The following KCNN2 variants were observed in gnomAD, a reference collection of about 807,000 sequenced individuals.
The protein encoded by KCNN2 is potassium calcium-activated channel subfamily N member 2, also known as small conductance calcium-activated potassium channel protein 2.
KCNN2 carries 24 observed loss-of-function variants against 55.5 expected under a neutral mutation model. That is an observed-to-expected ratio of 0.43 (90% CI 0.31 to 0.61). The LOEUF is 0.61. Among genes scored for constraint, KCNN2 ranks in the 20% least tolerant of loss-of-function variants. KCNN2 has a pLI of 0.08. For synonymous variants in KCNN2, 431 were observed against 336.1 expected (o/e 1.28, Z -3.09); for missense variants, 754 against 853.6 (o/e 0.88, Z 1.45).
intron 1 of KCNN2, among the ~76,000 whole-genome samples, chr5:114,151,827 A>G (rs550510751): frequency 3.9e-5 from 6 of 152,274 alleles, no homozygotes; most frequent in Non-Finnish European, 7.4e-5. Flanking sequence ...CCATGGTACT[A>G]TAGGGAAAGT....
intron 3 of KCNN2, among the ~76,000 whole-genome samples, chr5:114,454,553 T>C (rs1449001387): frequency 6.6e-6 from 1 of 152,182 alleles, no homozygotes; most frequent in African/African-American, 2.4e-5. Flanking sequence ...CTCTGTATTA[T>C]CAAATTCTAA....
intron 2 of KCNN2, among the ~76,000 whole-genome samples, chr5:114,370,698 G>A (rs2150050553): frequency 6.6e-6 from 1 of 152,130 alleles, no homozygotes; most frequent in South Asian, 2.1e-4. Flanking sequence ...GCAAATGAGA[G>A]CAAACCAGCA....
chr5:114,209,376 A>G (rs1312490502), intron 1 of KCNN2, among the ~76,000 whole-genome samples: 1 of 150,464 alleles, frequency 6.6e-6, no homozygotes, highest in Non-Finnish European at 1.5e-5. Context: ...TTTTCTTCTT[A>G]CTCTTCATCT....
At chr5:114,060,228 C>A (rs931279310) in intron 1 of KCNN2, among the ~76,000 whole-genome samples, 1 of 152,250 alleles carries the variant, frequency 6.6e-6, no homozygotes, top group African/African-American at 2.4e-5. Flanking sequence ...GGCAGCTGGC[C>A]CTGCCCTGCT....
chr5:114,093,041 T>G (rs868239444), intron 1 of KCNN2, among the ~76,000 whole-genome samples: 3 of 152,210 alleles, frequency 2.0e-5, no homozygotes, highest in African/African-American at 4.8e-5. Context: ...GAAAATGGGT[T>G]TTTCTTTTCT....
In KCNN2 at chr5:114,160,194, G is replaced by T. The variant is rs564948587; in HGVS notation, c.-270-61286G>T. On this transcript the variant is annotated intron_variant, in intron 1 of 10. Coordinates refer to the KCNN2 transcript ENST00000512097. ...CTTAGAATGTGTCCCAGAGATTCTG[G>T]TATGTTGTGTCTTTGTTCTCATTGG... 8.7e-4 allele frequency among the ~76,000 whole-genome samples: 133 copies of T among 152,240 alleles called. 2 individuals are homozygous for T. In the South Asian group the frequency reaches 0.016, roughly 18 times the overall value.
intron 3 of KCNN2, among the ~76,000 whole-genome samples, chr5:114,418,675 C>T (rs1237939613): frequency 1.3e-5 from 2 of 152,130 alleles, no homozygotes. Context: ...TTGAGTAACC[C>T]TAAAGCAGCA....
chr5:114,280,414 T>C (rs1281627408), intron 2 of KCNN2, among the ~76,000 whole-genome samples: 2 of 152,218 alleles, frequency 1.3e-5, no homozygotes, highest in Non-Finnish European at 2.9e-5. Flanking sequence ...GGTTTTCTTC[T>C]AGGATTTTTA....
intron 2 of KCNN2, among the ~76,000 whole-genome samples, chr5:114,335,151 C>G (rs1476871851): frequency 6.6e-6 from 1 of 152,094 alleles, no homozygotes; most frequent in African/African-American, 2.4e-5. Context: ...TGTTTATCTC[C>G]TGACCTCGTG....
chr5:114,201,848 T>C, intron 1 of KCNN2, among the ~76,000 whole-genome samples: 1 of 151,984 alleles, frequency 6.6e-6, no homozygotes, highest in East Asian at 1.9e-4. Context: ...TGTCCTTGGC[T>C]GTGTGACAGC....
chr5:114,322,631 AG>A (rs532307028), intron 2 of KCNN2, among the ~76,000 whole-genome samples: 166 of 151,916 alleles, frequency 1.1e-3, no homozygotes, highest in African/African-American at 3.9e-3. Flanking sequence ...AGGACAGCTG[AG>A]TAACAGAGTA....
In KCNN2 at chr5:114,487,125, G is replaced by C. The variant is rs922300236; in HGVS notation, c.1966G>C (p.Asp656His). Residue 656 changes from aspartate to histidine, a missense_variant, in exon 6 of 8, where the codon GAT becomes CAT. Transcript: ENST00000673685. ...AAATACAAAGCTAGTGAAAAAGATA[G>C]ATCATGCAAAAGTAAGAAAACATCA... Reference protein sequence around the residue: ...YKNTKLVKKIDHAKVRKHQRK... With the variant: ...YKNTKLVKKIHHAKVRKHQRK... 2 of 1,612,758 alleles carry C rather than the reference G, an allele frequency of 1.2e-6. No individual in the cohort carries two copies. Among genetic ancestry groups the C allele is most frequent in the Non-Finnish European group, 1.7e-6 (2 of 1,179,162 alleles).
At chr5:114,385,555 A>ACG (rs1758255929) in intron 2 of KCNN2, among the ~76,000 whole-genome samples, 1 of 150,772 alleles carries the variant, frequency 6.6e-6, no homozygotes, top group Non-Finnish European at 1.5e-5. Flanking sequence ...ACACACACAC[A>ACG]CATTATTGGA....
chr5:114,420,771 G>A (rs566365407), intron 3 of KCNN2, among the ~76,000 whole-genome samples: 2 of 152,194 alleles, frequency 1.3e-5, no homozygotes, highest in Non-Finnish European at 2.9e-5. Context: ...GGCATGATAA[G>A]AATTCCATAT....
intron 2 of KCNN2, among the ~76,000 whole-genome samples, chr5:114,277,583 A>G (rs1471401877): frequency 1.3e-5 from 2 of 152,146 alleles, no homozygotes; most frequent in African/African-American, 4.8e-5. Flanking sequence ...TATTTCATTA[A>G]TTTGATTTTC....
chr5:114,178,708 C>T (rs1753182691), intron 1 of KCNN2, among the ~76,000 whole-genome samples: 1 of 152,130 alleles, frequency 6.6e-6, no homozygotes, highest in African/African-American at 2.4e-5. Flanking sequence ...AAGAATAAAG[C>T]AGTTAATTTC....
chr5:114,075,574 C>G (rs1340821069), intron 1 of KCNN2, among the ~76,000 whole-genome samples: 3 of 152,138 alleles, frequency 2.0e-5, no homozygotes, highest in Non-Finnish European at 4.4e-5. Flanking sequence ...ATATGTATTT[C>G]TCTATATAGT....
Position 114,203,450 on chromosome 5 carries a change from T to A in KCNN2, c.-270-18030T>A, listed in dbSNP as rs879246002. On this transcript the variant is annotated intron_variant, in intron 1 of 10. Transcript: ENST00000512097. The stretch of plus-strand genomic sequence containing the variant: ...TAGATTTACTTAGGGAATTTGAATT[T>A]TCATCAGTGCAAATATAAATTTATC... Among the ~76,000 whole-genome samples the A allele has an allele frequency of 9.8e-5, 15 of 152,342 alleles. No individual in the cohort carries two copies. The South Asian group carries it at 3.1e-3, about 32-fold the overall frequency.
intron 1 of KCNN2, among the ~76,000 whole-genome samples, chr5:114,196,576 T>C (rs547244546): frequency 6.6e-5 from 10 of 151,168 alleles, no homozygotes; most frequent in African/African-American, 2.2e-4. Flanking sequence ...TTGAGTTAGA[T>C]TGGGTAATTT....
Sources: allele counts gnomAD v4.1 joint callset (sites outside exome capture counted in the v4.1 genomes callset), GRCh38; gene constraint gnomAD v4.1.1; transcripts MANE v1.5; gene names NCBI Gene and HGNC (gene_info 2026-07-23, HGNC 2026-07-21).